The following CDH15 variants were observed in gnomAD, a reference collection of about 807,000 sequenced individuals.
CDH15 encodes the protein cadherin 15.
A neutral mutation model predicts 69.4 loss-of-function variants in CDH15; 73 were observed. The ratio of observed to expected loss-of-function variants is 1.05; its 90% confidence interval spans 0.87 to 1.28. The LOEUF is 1.28. CDH15 is among the 50% of genes most tolerant of loss of function. The pLI, the probability that CDH15 is intolerant of heterozygous loss-of-function variation, is 0.00. For missense variants in CDH15, 1,343 were observed against 1,133.6 expected (o/e 1.18, Z -2.65); for synonymous variants, 624 against 507.7 (o/e 1.23, Z -3.08).
In CDH15 at chr16:89,179,440, C is replaced by G. The variant is rs1277720835; in HGVS notation, c.67C>G (p.Pro23Ala). 1 of 1,613,518 alleles carries G rather than the reference C, an allele frequency of 6.2e-7. No homozygotes were observed. Among genetic ancestry groups the G allele is most frequent in the Admixed American group, 1.7e-5 (1 of 59,996 alleles). The change falls in exon 2 of 14, where the codon CCT (proline) becomes GCT (alanine). Residue 23 changes from proline to alanine, a missense_variant. Transcript: ENST00000289746. ...AQSLCLSLGV[P>A]GWRRPTTLYP... ...GAGCCTCTGCCTGTCTTTGGGGGTT[C>G]CTGGATGGAGGAGGCCCACCACCCT...
Position 89,192,336 on chromosome 16 carries a change from G to C in CDH15, c.1747G>C (p.Gly583Arg). The C allele has an allele frequency of 1.3e-6, 2 of 1,535,928 alleles. No homozygotes were observed. The highest frequency in any genetic ancestry group is 2.4e-5 in the South Asian group (2 of 84,170). ...QPLNVTVCRC[G>R]KDGVCLPGAA... ...TCTGAACGTGACCGTGTGCCGCTGC[G>C]GCAAGGACGGCGTCTGCCTGCCGGG... Residue 583 changes from glycine (G) to arginine (R), a missense_variant, in exon 11 of 14, where the codon GGC becomes CGC. Transcript: ENST00000289746.
chr16:89,179,384 G>A (rs372104461), intron 1 of CDH15, 32 bp from the exon 2 acceptor site: 55 of 1,612,778 alleles, frequency 3.4e-5, no homozygotes, highest in Admixed American at 6.7e-5. Flanking sequence ...TCCAGGAGAC[G>A]GTACTGTGGG....
At position 89,195,043 on chromosome 16, in the gene CDH15, A is replaced by G. The variant is rs1470974171; in HGVS notation, c.2333A>G (p.Asp778Gly). ...DWGPRFARLA[D>G]MYGHPCGLEY... The stretch of plus-strand genomic sequence containing the variant: ...GGGCCCCGCTTCGCCCGGCTGGCAG[A>G]CATGTATGGGCACCCGTGCGGGTTG... The change falls in exon 14 of 14, where the codon GAC becomes GGC. Residue 778 changes from aspartate to glycine, a missense_variant. Physicochemically the swap from Asp to Gly is moderately conservative, Grantham distance 94. Transcript: ENST00000289746. 1 of 1,612,572 alleles carries G rather than the reference A, an allele frequency of 6.2e-7. No individual in the cohort carries two copies. Among genetic ancestry groups the G allele is most frequent in the Admixed American group, 1.7e-5 (1 of 60,008 alleles).
chr16:89,186,502 A>G (rs1597307912), intron 5 of CDH15, among the ~76,000 whole-genome samples: 1 of 136,668 alleles, frequency 7.3e-6, no homozygotes, highest in Admixed American at 7.3e-5. Flanking sequence ...GGTGCTCTGT[A>G]AACGCTTACC....
In CDH15 at chr16:89,179,817, G is replaced by A. The variant is rs139344749; in HGVS notation, c.201+243G>A. Among the ~76,000 whole-genome samples the A allele has an allele frequency of 5.0e-3, 759 of 152,310 alleles. 5 individuals are homozygous for A. The highest frequency in any genetic ancestry group is 0.017 in the African/African-American group (716 of 41,570). On this transcript the variant is annotated intron_variant, in intron 2 of 13. Transcript: ENST00000289746. Reference sequence around the variant, plus strand: ...GCTGCTCCCACCCCACATGCGCCTCGGGTGGACATACTCCACGTTAGGCTG... The same window carrying A: ...GCTGCTCCCACCCCACATGCGCCTCAGGTGGACATACTCCACGTTAGGCTG...
In CDH15 at chr16:89,191,886, A is replaced by C. The variant is rs1346642299; in HGVS notation, c.1607A>C (p.Gln536Pro). Residue 536 changes from glutamine (Q) to proline (P), a missense_variant, in exon 10 of 14, where the codon CAG (glutamine) becomes CCG (proline). Gln to Pro is a moderately conservative substitution (Grantham distance 76, BLOSUM62 -1). Coordinates refer to ENST00000289746, the MANE Select transcript of CDH15 (RefSeq NM_004933.3). Reference protein sequence around the residue: ...PELGRNWSLSQVNVSHARLRP... With the variant: ...PELGRNWSLSPVNVSHARLRP... Reference sequence around the variant, plus strand: ...CTCGGCCGGAACTGGAGCCTCAGCCAGGTCAACGGTGCGCTCCCCTCACCG... The same window carrying C: ...CTCGGCCGGAACTGGAGCCTCAGCCCGGTCAACGGTGCGCTCCCCTCACCG... The C allele has an allele frequency of 1.9e-6, 3 of 1,577,266 alleles. No individual in the cohort carries two copies. The highest frequency in any genetic ancestry group is 2.6e-6 in the Non-Finnish European group (3 of 1,168,404).
chr16:89,178,861 C>G (rs1006480935), intron 1 of CDH15, among the ~76,000 whole-genome samples: 1 of 152,198 alleles, frequency 6.6e-6, no homozygotes, highest in South Asian at 2.1e-4. Context: ...GCCGCTCCCC[C>G]GGACCCTCCA....
At chr16:89,177,314 A>C (rs955582182) in intron 1 of CDH15, among the ~76,000 whole-genome samples, 1 of 152,132 alleles carries the variant, frequency 6.6e-6, no homozygotes, top group East Asian at 1.9e-4. Context: ...CTGGCCACAC[A>C]TGGGGCCTTA....
chr16:89,175,738 C>A (rs1411524862), intron 1 of CDH15, among the ~76,000 whole-genome samples: 1 of 152,118 alleles, frequency 6.6e-6, no homozygotes, highest in Non-Finnish European at 1.5e-5. Context: ...GAGGCCAGGG[C>A]CGCCATCTGT....
intron 1 of CDH15, among the ~76,000 whole-genome samples, 154 bp downstream of exon 1, chr16:89,172,027 C>G (rs1042885421): frequency 5.9e-5 from 9 of 152,206 alleles, no homozygotes; most frequent in African/African-American, 2.2e-4. Context: ...GGTCCCTGGG[C>G]TGGGGGCAGC....
intron 6 of CDH15, 67 bp downstream of exon 6, chr16:89,187,624 G>T: frequency 2.5e-6 from 4 of 1,593,964 alleles, no homozygotes; most frequent in Non-Finnish European, 3.4e-6. Context: ...TTGGGCTCCT[G>T]CAGAAGGCAG....
At chr16:89,189,144 CACAG>C (rs1915576646) in intron 7 of CDH15, among the ~76,000 whole-genome samples, 1 of 148,228 alleles carries the variant, frequency 6.7e-6, no homozygotes, top group African/African-American at 2.5e-5. Context: ...TGCCGGCACA[CACAG>C]ATGCCCACAC....
rs1344595753 is a variant in CDH15 at position 89,191,734 on chromosome 16, G to A, written c.1455G>A (p.Pro485=). 4.4e-6 allele frequency: 7 copies of A among 1,603,168 alleles called. 1 individual carries two copies. Among genetic ancestry groups the A allele is most frequent in the East Asian group, 4.5e-5 (2 of 44,802 alleles). The part of the protein sequence containing the change: ...EVNDHAPVLA[P]PPPGSLCSEP... ...ACGACCATGCACCTGTGCTGGCCCC[G>A]CCGCCGCCGGGCAGCCTGTGCAGCG... Residue 485 remains proline (P), a synonymous_variant, in exon 10 of 14, where the codon CCG becomes CCA. Transcript: ENST00000289746.
intron 4 of CDH15, 94 bp downstream of exon 4, chr16:89,183,786 C>T: frequency 1.5e-6 from 2 of 1,325,728 alleles, no homozygotes; most frequent in Middle Eastern, 2.2e-4. Context: ...CCAGAGGCCC[C>T]TCAGAGTCTA....
At chr16:89,178,329 G>T (rs77727600) in intron 1 of CDH15, among the ~76,000 whole-genome samples, 20 of 152,066 alleles carry the variant, frequency 1.3e-4, no homozygotes, top group African/African-American at 4.6e-4. Context: ...CCCCATCCCC[G>T]AGCACCAGGG....
Position 89,195,212 on chromosome 16 carries a change from C to CA in CDH15, c.*58dup. On this transcript the variant is annotated 3_prime_UTR_variant, in exon 14 of 14. Transcript: ENST00000289746. Reference sequence around the variant, plus strand: ...GGCCTCGTGGCAGTGATGGCCCCTGCAGAGGCAGCCTGAGGTCACCGGGCC... The same window carrying CA: ...GGCCTCGTGGCAGTGATGGCCCCTGCAAGAGGCAGCCTGAGGTCACCGGGCC... The CA allele has an allele frequency of 1.3e-6, 2 of 1,488,816 alleles. No individual in the cohort carries two copies. Among genetic ancestry groups the CA allele is most frequent in the Non-Finnish European group, 1.8e-6 (2 of 1,119,986 alleles). 92.2% of individuals were successfully genotyped at this position (1,488,816 alleles called of 1,614,324 possible).
intron 5 of CDH15, 87 bp from the exon 6 acceptor site, chr16:89,187,342 G>A: frequency 2.0e-6 from 3 of 1,536,790 alleles, no homozygotes; most frequent in Non-Finnish European, 8.9e-7. Flanking sequence ...AACTGAGCTG[G>A]CCAGGTGGCC....
intron 3 of CDH15, 106 bp downstream of exon 3, chr16:89,180,461 C>G: frequency 7.7e-7 from 1 of 1,294,604 alleles, no homozygotes; most frequent in Non-Finnish European, 1.1e-6. Context: ...GGGCTTCAGG[C>G]CAGACTGCAA....
At chr16:89,194,181 G>A (rs1368918995) in intron 13 of CDH15, among the ~76,000 whole-genome samples, 4 of 152,232 alleles carry the variant, frequency 2.6e-5, no homozygotes, top group African/African-American at 9.6e-5. Flanking sequence ...ACTGCCCCGT[G>A]TCCACCATGG....
Sources: allele counts gnomAD v4.1 joint callset (sites outside exome capture counted in the v4.1 genomes callset), GRCh38; gene constraint gnomAD v4.1.1; transcripts MANE v1.5; gene names NCBI Gene and HGNC (gene_info 2026-07-23, HGNC 2026-07-21).